Variants in SMC6 observed in about 807,000 individuals in gnomAD.
SMC6 encodes structural maintenance of chromosomes 6.
Under a neutral mutation model 142.2 loss-of-function variants are expected in SMC6, and 79 were observed. The observed-to-expected ratio is 0.56, with a 90% CI of 0.46 to 0.67. SMC6 has a LOEUF of 0.67. Among genes scored for constraint, SMC6 ranks in the 30% least tolerant of loss-of-function variants. The pLI is 0.00. For synonymous variants in SMC6, 411 were observed against 412.4 expected, an observed-to-expected ratio of 1.00 and a Z score of 0.04; for missense variants, 1,072 against 1,284.0, an observed-to-expected ratio of 0.83 and a Z score of 2.52.
At chr2:17,712,013 G>A (rs1432300241) in intron 16 of SMC6, among the ~76,000 whole-genome samples, 2 of 152,134 alleles carry the variant, frequency 1.3e-5, no homozygotes, top group Non-Finnish European at 2.9e-5. Context: ...AGCACCAGAA[G>A]GAGATGAAGA....
intron 25 of SMC6, among the ~76,000 whole-genome samples, chr2:17,676,018 CA>C (rs1192450323): frequency 6.6e-6 from 1 of 152,146 alleles, no homozygotes; most frequent in Non-Finnish European, 1.5e-5. Context: ...CCTCATATCT[CA>C]AACTCTGTTC....
At chr2:17,702,327 T>G (rs114802315) in intron 19 of SMC6, among the ~76,000 whole-genome samples, 1 of 152,156 alleles carries the variant, frequency 6.6e-6, no homozygotes, top group Admixed American at 6.6e-5. Flanking sequence ...TAAAAACAAT[T>G]AGACATTATT....
At chr2:17,727,952 G>GC (rs898619155) in intron 7 of SMC6, among the ~76,000 whole-genome samples, 100 of 152,090 alleles carry the variant, frequency 6.6e-4, no homozygotes, top group Non-Finnish European at 7.1e-4. Context: ...TTTTCACAAA[G>GC]CCCCCCCAGC....
At chr2:17,702,127 G>A (rs1668298147) in intron 19 of SMC6, among the ~76,000 whole-genome samples, 1 of 152,124 alleles carries the variant, frequency 6.6e-6, no homozygotes, top group Non-Finnish European at 1.5e-5. Context: ...CAAAAGAGAT[G>A]TAAGTAATCC....
At chr2:17,724,183 A>G (rs10170170) in intron 9 of SMC6, among the ~76,000 whole-genome samples, 3,035 of 152,276 alleles carry the variant, frequency 0.02, 107 homozygotes, top group African/African-American at 0.07. Context: ...CCCTTCCCCA[A>G]TAACAACACT....
At chr2:17,728,017 T>C (rs1193912369) in intron 7 of SMC6, among the ~76,000 whole-genome samples, 5 of 152,236 alleles carry the variant, frequency 3.3e-5, no homozygotes, top group Non-Finnish European at 7.3e-5. Flanking sequence ...GTAGTAGCTC[T>C]AATAACAAAC....
At chr2:17,728,425 C>T (rs765474045) in intron 7 of SMC6, among the ~76,000 whole-genome samples, 10 of 151,942 alleles carry the variant, frequency 6.6e-5, no homozygotes, top group Non-Finnish European at 1.5e-4. Flanking sequence ...CAGAGTGAGA[C>T]CCTGTCCCAA....
chr2:17,735,357 C>T (rs1213325482), intron 5 of SMC6, among the ~76,000 whole-genome samples: 3 of 152,102 alleles, frequency 2.0e-5, no homozygotes, highest in East Asian at 1.9e-4. Context: ...TCTATCTACA[C>T]GGAAGTAACT....
At chr2:17,675,223 C>T (rs1206585338) in intron 25 of SMC6, among the ~76,000 whole-genome samples, 1 of 152,028 alleles carries the variant, frequency 6.6e-6, no homozygotes, top group African/African-American at 2.4e-5. Flanking sequence ...ATTAGTTTAT[C>T]TTAAATTAGT....
rs1053931408 is a variant in SMC6, at chr2:17,665,381, A to G, written c.*118T>C. The G allele has an allele frequency of 2.1e-6, 1 of 479,554 alleles. No homozygotes were observed. Among genetic ancestry groups the G allele is most frequent in the Non-Finnish European group, 3.5e-6 (1 of 281,748 alleles). The allele number at this position is 479,554 out of a possible 1,614,324, so 29.7% of individuals were successfully genotyped here. A position where few individuals can be genotyped will look rare whatever the true frequency, so the allele number is the denominator to read the frequency against. The stretch of plus-strand genomic sequence containing the variant: ...ATGTTTGATTGTGGTTGGATATATA[A>G]AGGAGTTTCTTTCATTTCAGAATGC... On this transcript the variant is annotated 3_prime_UTR_variant, in exon 28 of 28. Coordinates refer to ENST00000448223, the MANE Select transcript of SMC6 (RefSeq NM_001142286.2).
chr2:17,691,990 A>G (rs1175741223), intron 23 of SMC6, among the ~76,000 whole-genome samples: 1 of 152,186 alleles, frequency 6.6e-6, no homozygotes, highest in Non-Finnish European at 1.5e-5. Flanking sequence ...TAGGAATCCA[A>G]CTTACAAGGG....
intron 21 of SMC6, among the ~76,000 whole-genome samples, chr2:17,698,765 T>C (rs1668129298): frequency 6.6e-6 from 1 of 152,104 alleles, no homozygotes; most frequent in Admixed American, 6.6e-5. Flanking sequence ...TTCTCTTTCC[T>C]GCCCCATGTG....
At chr2:17,713,498 G>A (rs142510364) in intron 16 of SMC6, 1 of 471,044 alleles carries the variant, frequency 2.1e-6, no homozygotes, top group Non-Finnish European at 4.4e-6. Context: ...CAGCAAGGCA[G>A]TGCCAGGCAC....
Position 17,738,331 on chromosome 2 carries a change from A to G in SMC6, c.239-5T>C, listed in dbSNP as rs1050731479. ...TGAGTACTGCACTCTTCCCACCTAA[A>G]GAAACAGATGTTGAAGAAATCACAT... is the stretch of plus-strand genomic sequence containing the variant. On this transcript the variant is annotated splice_region_variant and splice_polypyrimidine_tract_variant and intron_variant, in intron 4 of 27. Coordinates refer to ENST00000448223, the MANE Select transcript of SMC6 (RefSeq NM_001142286.2). The G allele has an allele frequency of 3.8e-6, 6 of 1,597,666 alleles. No homozygotes were observed. In the African/African-American group the frequency reaches 4.1e-5, roughly 11 times the overall value.
At chr2:17,716,603 A>C (rs1669098500) in intron 14 of SMC6, 138 bp downstream of exon 14, 4 of 897,064 alleles carry the variant, frequency 4.5e-6, no homozygotes, top group Admixed American at 3.0e-5. Context: ...CAAAGTATTT[A>C]ACATAAAAAT....
intron 1 of SMC6, among the ~76,000 whole-genome samples, chr2:17,753,369 CCCGGAGCAGA>C (rs1377122852): frequency 2.0e-5 from 3 of 152,092 alleles, no homozygotes; most frequent in African/African-American, 4.8e-5. Flanking sequence ...GAGGGGACGG[CCCGGAGCAGA>C]CGCCAGGTTT....
Position 17,725,198 on chromosome 2 carries a change from T to G in SMC6, c.726+59A>C, listed in dbSNP as rs189729953. 8 of 1,099,842 alleles carry G rather than the reference T, an allele frequency of 7.3e-6. No individual in the cohort carries two copies. The Admixed American group carries it at 1.8e-4, about 25-fold the overall frequency. 68.1% of individuals were successfully genotyped at this position (1,099,842 alleles called of 1,614,324 possible). A position where few individuals can be genotyped will look rare whatever the true frequency, so the allele number is the denominator to read the frequency against. On this transcript the variant is annotated intron_variant, in intron 9 of 27. Transcript: ENST00000448223. ...CACATAGTTTTACAATATCATTTAC[T>G]GTAAGTACTATAAGAATTTGGCTGA...
At chr2:17,671,680 A>G (rs1464789989) in intron 25 of SMC6, among the ~76,000 whole-genome samples, 2 of 151,530 alleles carry the variant, frequency 1.3e-5, no homozygotes, top group Non-Finnish European at 2.9e-5. Flanking sequence ...AAATCTTTTA[A>G]AATTTAAATA....
At chr2:17,725,230 A>G (rs768241108) in intron 9 of SMC6, 27 bp downstream of exon 9, 17 of 1,545,414 alleles carry the variant, frequency 1.1e-5, no homozygotes, top group Non-Finnish European at 1.4e-5. Flanking sequence ...CTGATCTCAA[A>G]AAGATTTACA....
Sources: allele counts gnomAD v4.1 joint callset (sites outside exome capture counted in the v4.1 genomes callset), GRCh38; gene constraint gnomAD v4.1.1; transcripts MANE v1.5; gene names NCBI Gene and HGNC (gene_info 2026-07-23, HGNC 2026-07-21).